The following NWD1 variants were observed in gnomAD, a reference collection of about 807,000 sequenced individuals.
The protein encoded by NWD1 is NACHT and WD repeat domain containing 1, also known as NACHT domain- and WD repeat-containing protein 1.
Under a neutral mutation model 135.1 loss-of-function variants are expected in NWD1, and 129 were observed. That is an observed-to-expected ratio of 0.96 (90% CI 0.83 to 1.11). The LOEUF (loss-of-function observed/expected upper bound fraction) is 1.11, where lower values mean the gene tolerates loss of function less well. Ranked by LOEUF, NWD1 falls within the 50% of genes least tolerant of loss-of-function variation. NWD1 has a pLI of 0.00. For missense variants in NWD1, 1,740 were observed against 1,851.3 expected (o/e 0.94, Z 1.10); for synonymous variants, 773 against 786.0 (o/e 0.98, Z 0.28).
rs1231557071 is a variant in NWD1 at position 16,765,090 on chromosome 19, GATGACT to G, written c.2309_2314del (p.Asp770_Phe772delinsVal). 1.9e-5 allele frequency: 31 copies of G among 1,614,020 alleles called. No individual in the cohort carries two copies. The highest frequency in any genetic ancestry group is 2.5e-5 in the Non-Finnish European group (30 of 1,180,032). On this transcript the variant is annotated inframe_deletion, in exon 10 of 19. Transcript: ENST00000524140. Reference sequence around the variant, plus strand: ...CTCTGGGGGCATTGAAGACCTGCTGGATGACTTTGACCTGTGTGCCCCTCACCTGGA... The same window carrying G: ...CTCTGGGGGCATTGAAGACCTGCTGGTTGACCTGTGTGCCCCTCACCTGGA...
intron 4 of NWD1, among the ~76,000 whole-genome samples, chr19:16,740,741 G>A (rs1968045458): frequency 6.6e-6 from 1 of 150,768 alleles, no homozygotes; most frequent in African/African-American, 2.5e-5. Flanking sequence ...CAAAGTGCTG[G>A]GATTACAGGT....
intron 1 of NWD1, among the ~76,000 whole-genome samples, chr19:16,720,824 A>AT (rs1481208729): frequency 6.6e-6 from 1 of 151,936 alleles, no homozygotes; most frequent in African/African-American, 2.4e-5. Flanking sequence ...AAGTGCTGGG[A>AT]TTACAGGCGT....
Position 16,789,013 on chromosome 19 carries a change from AG to A in NWD1, c.2766del (p.Thr923ProfsTer94), listed in dbSNP as rs1970150862. The A allele has an allele frequency of 6.2e-7, 1 of 1,612,224 alleles. No individual in the cohort carries two copies. Among genetic ancestry groups the A allele is most frequent in the Non-Finnish European group, 8.5e-7 (1 of 1,179,780 alleles). On this transcript the variant is annotated frameshift_variant, in exon 13 of 19. Coordinates refer to ENST00000524140, the MANE Select transcript of NWD1 (RefSeq NM_001007525.5). LOFTEE classifies it high-confidence loss of function. Reference protein sequence around the residue: ...EVRCVKIFAKGTLANSASKDY... With the variant: ...EVRCVKIFAKXTLANSASKDY... Reference sequence around the variant, plus strand: ...TGAGGTGTGTGAAAATATTTGCCAAAGGGACCCTCGCCAACTCTGCTTCAAA... The same window carrying A: ...TGAGGTGTGTGAAAATATTTGCCAAAGGACCCTCGCCAACTCTGCTTCAAA...
rs947879337 is a variant in NWD1 at position 16,794,528 on chromosome 19, T to C, written c.3279T>C (p.Ser1093=). ...ATGCTGTGAGGTTCCTGGTGGTCTC[T>C]GAAGATGAGTCCCTCCTCGCCGCAG... The part of the protein sequence containing the change: ...LPDAVRFLVV[S]EDESLLAAGF... The change falls in exon 15 of 19, where the codon TCT becomes TCC. Residue 1093 remains serine (S), a synonymous_variant. Coordinates refer to ENST00000524140, the MANE Select transcript of NWD1 (RefSeq NM_001007525.5). The C allele has an allele frequency of 1.9e-6, 3 of 1,609,904 alleles. No homozygotes were observed. The highest frequency in any genetic ancestry group is 1.3e-5 in the African/African-American group (1 of 74,856).
intron 12 of NWD1, among the ~76,000 whole-genome samples, chr19:16,785,788 A>G (rs1970019256): frequency 6.8e-6 from 1 of 147,612 alleles, no homozygotes; most frequent in Non-Finnish European, 1.5e-5. Context: ...ATACATAAAT[A>G]TATAAATATA....
intron 9 of NWD1, 38 bp downstream of exon 9, chr19:16,763,983 T>C: frequency 8.2e-7 from 1 of 1,221,530 alleles, no homozygotes. Flanking sequence ...CCGAGCCTGG[T>C]GACTGCACCA....
At chr19:16,810,624 G>A (rs1038448106) in intron 18 of NWD1, among the ~76,000 whole-genome samples, 2 of 151,790 alleles carry the variant, frequency 1.3e-5, no homozygotes, top group Non-Finnish European at 2.9e-5. Flanking sequence ...TTAGCCAGGT[G>A]TGGAGGTGTG....
At chr19:16,728,955 A>T (rs921378992) in intron 2 of NWD1, among the ~76,000 whole-genome samples, 34 of 148,546 alleles carry the variant, frequency 2.3e-4, no homozygotes, top group Middle Eastern at 3.6e-3. Flanking sequence ...AAAAAAAAAA[A>T]AAAAAAAAAT....
At chr19:16,756,123 C>T (rs376448028) in intron 6 of NWD1, among the ~76,000 whole-genome samples, 4 of 152,170 alleles carry the variant, frequency 2.6e-5, no homozygotes, top group Middle Eastern at 6.8e-3. Flanking sequence ...CATGGTGGCT[C>T]ATGCTTTTAA....
intron 14 of NWD1, among the ~76,000 whole-genome samples, chr19:16,792,872 ATC>A (rs1243190773): frequency 1.5e-5 from 2 of 134,412 alleles, no homozygotes; most frequent in Non-Finnish European, 3.1e-5. Flanking sequence ...TCAAAACTCC[ATC>A]TCAAAAAAAA....
At chr19:16,755,670 G>A (rs1257336523) in intron 6 of NWD1, among the ~76,000 whole-genome samples, 1 of 144,838 alleles carries the variant, frequency 6.9e-6, no homozygotes, top group Non-Finnish European at 1.5e-5. Flanking sequence ...TTACAGGAAT[G>A]AGCCACCACA....
At chr19:16,807,440 C>A in intron 17 of NWD1, 146 bp from the exon 18 acceptor site, 1 of 614,922 alleles carries the variant, frequency 1.6e-6, no homozygotes. Flanking sequence ...TTACGGTGAC[C>A]TGAGATCGTG....
chr19:16,747,481 A>G (rs944589798), intron 5 of NWD1, among the ~76,000 whole-genome samples: 1 of 151,676 alleles, frequency 6.6e-6, no homozygotes, highest in Non-Finnish European at 1.5e-5. Context: ...GGGTCAAGCA[A>G]TCCTCCCACC....
chr19:16,765,028 C>T lies in NWD1; in HGVS notation c.2252-6C>T, dbSNP rs1969169753. 3 of 1,614,078 alleles carry T rather than the reference C, an allele frequency of 1.9e-6. No homozygotes were observed. Among genetic ancestry groups the T allele is most frequent in the Non-Finnish European group, 2.5e-6 (3 of 1,179,970 alleles). ...TTCCCACATCCTCCCCCCTTCTCTC[C>T]CTCAGGCAGCATGAGCTGGATTTCC... On this transcript the variant is annotated splice_polypyrimidine_tract_variant and splice_region_variant and intron_variant, in intron 9 of 18. Transcript: ENST00000524140.
In NWD1 at chr19:16,749,585, C is replaced by G. The variant is rs148848880; in HGVS notation, c.943C>G (p.Arg315Gly). The G allele has an allele frequency of 1.9e-6, 3 of 1,612,998 alleles. No homozygotes were observed. Among genetic ancestry groups the G allele is most frequent in the African/African-American group, 2.7e-5 (2 of 74,914 alleles). ...SSEVIQTFCG[R>G]QELLARLGQQ... ...GGAGGTCATTCAGACCTTCTGCGGA[C>G]GCCAGGAACTCCTGGCCCGGCTTGG... Residue 315 changes from arginine (R) to glycine (G), a missense_variant, in exon 6 of 19, where the codon CGC becomes GGC. Physicochemically the swap from Arg to Gly is moderately radical, Grantham distance 125 (BLOSUM62 -2). Coordinates refer to ENST00000524140, the MANE Select transcript of NWD1 (RefSeq NM_001007525.5).
chr19:16,803,123 C>T (rs1174248347), intron 17 of NWD1, among the ~76,000 whole-genome samples: 1 of 152,086 alleles, frequency 6.6e-6, no homozygotes, highest in Non-Finnish European at 1.5e-5. Flanking sequence ...AGGGGAATTG[C>T]CCTTTACAAA....
At chr19:16,788,701 G>T (rs1300104272) in intron 12 of NWD1, among the ~76,000 whole-genome samples, 2 of 152,126 alleles carry the variant, frequency 1.3e-5, no homozygotes, top group Non-Finnish European at 2.9e-5. Flanking sequence ...TTTCTGTAAG[G>T]TTGCAGTAGC....
intron 15 of NWD1, 133 bp downstream of exon 15, chr19:16,794,686 G>A: frequency 1.5e-6 from 1 of 679,204 alleles, no homozygotes; most frequent in Non-Finnish European, 2.7e-6. Context: ...TGGCCTCATA[G>A]TAAACATTTT....
intron 12 of NWD1, among the ~76,000 whole-genome samples, chr19:16,781,451 A>G (rs944730208): frequency 6.6e-6 from 1 of 152,118 alleles, no homozygotes; most frequent in Admixed American, 6.6e-5. Flanking sequence ...CCACATCTCT[A>G]CAAAAAATGC....
Sources: allele counts gnomAD v4.1 joint callset (sites outside exome capture counted in the v4.1 genomes callset), GRCh38; gene constraint gnomAD v4.1.1; transcripts MANE v1.5; gene names NCBI Gene and HGNC (gene_info 2026-07-23, HGNC 2026-07-21).